Variants in ST8SIA6 observed in about 807,000 individuals in gnomAD.
ST8SIA6 encodes ST8 alpha-N-acetyl-neuraminide alpha-2,8-sialyltransferase 6.
In ST8SIA6, 39 loss-of-function variants were observed where a neutral mutation model predicts 33.6. The observed-to-expected ratio is 1.16, with a 90% CI of 0.90 to 1.52. ST8SIA6 has a LOEUF of 1.52. Ranked by LOEUF, ST8SIA6 falls within the 40% of genes most tolerant of loss-of-function variation. The pLI is 0.00. For synonymous variants in ST8SIA6, 172 were observed against 167.2 expected (o/e 1.03, Z -0.22); for missense variants, 441 against 443.8 (o/e 0.99, Z 0.06).
chr10:17,422,176 GAAAA>G (rs1306987810), intron 2 of ST8SIA6, among the ~76,000 whole-genome samples: 2 of 152,024 alleles, frequency 1.3e-5, no homozygotes, highest in Admixed American at 6.6e-5. Flanking sequence ...CGCTAAAAGA[GAAAA>G]AAACTGAATA....
At chr10:17,415,878 C>T (rs987208850) in intron 2 of ST8SIA6, among the ~76,000 whole-genome samples, 11 of 139,774 alleles carry the variant, frequency 7.9e-5, no homozygotes, top group South Asian at 2.3e-4. Flanking sequence ...GGCATGATAT[C>T]GGCTCACTGC....
intron 4 of ST8SIA6, among the ~76,000 whole-genome samples, chr10:17,344,342 T>A (rs568066952): frequency 6.6e-6 from 1 of 152,330 alleles, no homozygotes; most frequent in Admixed American, 6.5e-5. Flanking sequence ...CAGTTCCACG[T>A]GGCTGGGGAG....
chr10:17,410,441 C>A (rs1331399609), intron 2 of ST8SIA6: 2 of 152,086 alleles, frequency 1.3e-5, no homozygotes, highest in African/African-American at 4.8e-5. Flanking sequence ...CCCCATCAAC[C>A]AAGATTTTTT....
At chr10:17,385,362 C>T (rs575980033) in intron 3 of ST8SIA6, among the ~76,000 whole-genome samples, 5 of 152,318 alleles carry the variant, frequency 3.3e-5, no homozygotes, top group Admixed American at 6.5e-5. Context: ...TTACTTCTTA[C>T]ATATAATGAT....
chr10:17,367,396 C>A (rs551292067), intron 3 of ST8SIA6, among the ~76,000 whole-genome samples: 4 of 151,996 alleles, frequency 2.6e-5, no homozygotes, highest in Non-Finnish European at 5.9e-5. Flanking sequence ...CACGAGAAAA[C>A]CCGCCCCCAT....
intron 4 of ST8SIA6, among the ~76,000 whole-genome samples, chr10:17,352,110 A>G (rs1015995805): frequency 1.1e-4 from 17 of 152,176 alleles, no homozygotes; most frequent in Admixed American, 2.6e-4. Flanking sequence ...TAATTATTCC[A>G]CAGTGTATGC....
At chr10:17,447,400 C>G (rs916692138) in intron 2 of ST8SIA6, among the ~76,000 whole-genome samples, 1 of 151,832 alleles carries the variant, frequency 6.6e-6, no homozygotes, top group African/African-American at 2.4e-5. Flanking sequence ...GAGCAAAATT[C>G]CTTCTCAAAA....
intron 2 of ST8SIA6, among the ~76,000 whole-genome samples, chr10:17,400,299 G>A (rs1321940853): frequency 4.6e-5 from 7 of 152,136 alleles, no homozygotes; most frequent in Non-Finnish European, 8.8e-5. Context: ...TTGGGAGGCC[G>A]AGGTTGGTGG....
intron 3 of ST8SIA6, among the ~76,000 whole-genome samples, chr10:17,376,695 T>C (rs45521941): frequency 0.18 from 27,447 of 152,068 alleles, 2,596 homozygotes; most frequent in South Asian, 0.22. Flanking sequence ...AATAAGTTTG[T>C]CATACTAAAA....
chr10:17,368,191 T>G (rs1849614827), intron 3 of ST8SIA6, among the ~76,000 whole-genome samples: 1 of 139,150 alleles, frequency 7.2e-6, no homozygotes, highest in Non-Finnish European at 1.5e-5. Flanking sequence ...AGGTCAGGAG[T>G]TCGAGACCAG....
intron 2 of ST8SIA6, among the ~76,000 whole-genome samples, chr10:17,439,773 A>G (rs1588927653): frequency 1.3e-5 from 2 of 152,324 alleles, no homozygotes; most frequent in Admixed American, 1.3e-4. Context: ...TCCCAGGCCA[A>G]CGGCATGTGA....
intron 4 of ST8SIA6, among the ~76,000 whole-genome samples, chr10:17,333,717 A>ATATATATATT (rs1251981910): frequency 3.0e-5 from 1 of 33,752 alleles, no homozygotes; most frequent in Non-Finnish European, 4.6e-5. Context: ...ATATATATAT[A>ATATATATATT]TTTTTTTTTT....
chr10:17,448,964 T>G (rs1213090136), intron 2 of ST8SIA6, among the ~76,000 whole-genome samples: 1 of 151,414 alleles, frequency 6.6e-6, no homozygotes, highest in East Asian at 1.9e-4. Flanking sequence ...ATGAAATTAA[T>G]ATTATTTAAG....
intron 3 of ST8SIA6, among the ~76,000 whole-genome samples, chr10:17,364,491 AT>A (rs957226835): frequency 3.6e-4 from 55 of 152,304 alleles, no homozygotes; most frequent in African/African-American, 1.2e-3. Context: ...TCAAAAAATC[AT>A]TTTTATGTCC....
chr10:17,362,786 A>G (rs1261138334), intron 3 of ST8SIA6, among the ~76,000 whole-genome samples: 1 of 151,812 alleles, frequency 6.6e-6, no homozygotes, highest in Non-Finnish European at 1.5e-5. Flanking sequence ...ATCTCGGTTC[A>G]CTGCAACCTC....
chr10:17,416,657 T>G (rs1448979790), intron 2 of ST8SIA6, among the ~76,000 whole-genome samples: 1 of 152,202 alleles, frequency 6.6e-6, no homozygotes, highest in Non-Finnish European at 1.5e-5. Flanking sequence ...CATCTACTTC[T>G]CTTTATCGGT....
intron 2 of ST8SIA6, among the ~76,000 whole-genome samples, chr10:17,440,761 C>G (rs112767319): frequency 3.9e-5 from 6 of 152,200 alleles, no homozygotes; most frequent in African/African-American, 1.2e-4. Flanking sequence ...TGGGAGGAAG[C>G]CTTCTCCATG....
intron 3 of ST8SIA6, among the ~76,000 whole-genome samples, chr10:17,382,931 G>A (rs1395074594): frequency 6.6e-6 from 1 of 152,170 alleles, no homozygotes; most frequent in Non-Finnish European, 1.5e-5. Flanking sequence ...AGATTTTCTA[G>A]AAGCATTAAC....
At chr10:17,327,841 A>C (rs1207617574) in intron 5 of ST8SIA6, among the ~76,000 whole-genome samples, 1 of 152,072 alleles carries the variant, frequency 6.6e-6, no homozygotes, top group Non-Finnish European at 1.5e-5. Flanking sequence ...TAGTAGTTCC[A>C]GGCTGCAGTG....
Sources: allele counts gnomAD v4.1 joint callset (sites outside exome capture counted in the v4.1 genomes callset), GRCh38; gene constraint gnomAD v4.1.1; transcripts MANE v1.5; gene names NCBI Gene and HGNC (gene_info 2026-07-23, HGNC 2026-07-21).